MAGI2: variants seen among roughly 807,000 people sequenced by gnomAD.
MAGI2 encodes the protein membrane associated guanylate kinase, WW and PDZ domain containing 2, also known as membrane-associated guanylate kinase, WW and PDZ domain-containing protein 2.
MAGI2 carries 35 observed loss-of-function variants against 133.3 expected under a neutral mutation model. The observed-to-expected ratio is 0.26, with a 90% CI of 0.20 to 0.35. The LOEUF is 0.35. Among genes scored for constraint, MAGI2 ranks in the 10% least tolerant of loss-of-function variants. The pLI is 1.00. For missense variants in MAGI2, 1,636 were observed against 1,863.4 expected (o/e 0.88, Z 2.25); for synonymous variants, 729 against 710.6 (o/e 1.03, Z -0.41).
At chr7:79,292,188 A>T (rs1163445698) in intron 1 of MAGI2, among the ~76,000 whole-genome samples, 3 of 152,206 alleles carry the variant, frequency 2.0e-5, no homozygotes, top group African/African-American at 7.2e-5. Flanking sequence ...CAATTTTGTC[A>T]AAAACGAATT....
chr7:78,342,762 G>C (rs919075355), intron 9 of MAGI2, among the ~76,000 whole-genome samples: 12 of 152,146 alleles, frequency 7.9e-5, no homozygotes, highest in Non-Finnish European at 1.6e-4. Context: ...TGAACAATGA[G>C]AACACATGGA....
At chr7:78,789,281 T>A (rs909096036) in intron 2 of MAGI2, among the ~76,000 whole-genome samples, 1 of 152,206 alleles carries the variant, frequency 6.6e-6, no homozygotes, top group Non-Finnish European at 1.5e-5. Context: ...TATATTTGAT[T>A]AATCCTTTGC....
intron 17 of MAGI2, among the ~76,000 whole-genome samples, chr7:78,133,789 C>G (rs778665374): frequency 3.9e-5 from 6 of 152,198 alleles, no homozygotes; most frequent in South Asian, 4.1e-4. Context: ...ATAGCTTATA[C>G]ATGTTGGTGT....
At chr7:78,923,785 A>G (rs1243160762) in intron 2 of MAGI2, among the ~76,000 whole-genome samples, 1 of 152,018 alleles carries the variant, frequency 6.6e-6, no homozygotes, top group Non-Finnish European at 1.5e-5. Context: ...TACCTTGGGC[A>G]GTATGGCCAT....
At chr7:79,162,176 C>T (rs1037528601) in intron 1 of MAGI2, among the ~76,000 whole-genome samples, 17 of 151,972 alleles carry the variant, frequency 1.1e-4, no homozygotes, top group African/African-American at 3.9e-4. Flanking sequence ...CTACAATAAT[C>T]CTCTAGAGAG....
At chr7:78,693,002 A>G (rs897106079) in intron 2 of MAGI2, among the ~76,000 whole-genome samples, 7 of 152,206 alleles carry the variant, frequency 4.6e-5, no homozygotes, top group African/African-American at 1.7e-4. Flanking sequence ...GCCGCATCAG[A>G]GATCAGTATC....
intron 2 of MAGI2, among the ~76,000 whole-genome samples, chr7:78,687,034 T>C (rs796254803): frequency 1.8e-4 from 27 of 152,286 alleles, no homozygotes; most frequent in African/African-American, 6.5e-4. Context: ...GTCCAGCGCA[T>C]TGCATTAGAG....
At chr7:78,274,165 T>A (rs529431634) in intron 9 of MAGI2, among the ~76,000 whole-genome samples, 9 of 152,350 alleles carry the variant, frequency 5.9e-5, no homozygotes, top group African/African-American at 1.7e-4. Flanking sequence ...TCCTTTCTCT[T>A]TGTTAGTTTT....
At chr7:79,131,169 C>G (rs1820907192) in intron 1 of MAGI2, among the ~76,000 whole-genome samples, 1 of 152,102 alleles carries the variant, frequency 6.6e-6, no homozygotes, top group Non-Finnish European at 1.5e-5. Context: ...GAGGATCTCC[C>G]AAAAGCAGGG....
chr7:78,841,191 A>G (rs1388380181), intron 2 of MAGI2, among the ~76,000 whole-genome samples: 1 of 152,056 alleles, frequency 6.6e-6, no homozygotes, highest in Non-Finnish European at 1.5e-5. Flanking sequence ...CATACACTGA[A>G]GTACTATAGC....
intron 3 of MAGI2, among the ~76,000 whole-genome samples, chr7:78,623,138 A>G (rs1326470596): frequency 1.3e-5 from 2 of 152,120 alleles, no homozygotes; most frequent in African/African-American, 4.8e-5. Context: ...TCATGAGAAC[A>G]ATGGAAATTT....
chr7:78,785,223 A>T (rs1212269458), intron 2 of MAGI2, among the ~76,000 whole-genome samples: 1 of 152,234 alleles, frequency 6.6e-6, no homozygotes, highest in African/African-American at 2.4e-5. Context: ...TGGGAGAAAA[A>T]TCTACATCCA....
chr7:78,513,819 T>G (rs1795808065), intron 4 of MAGI2, among the ~76,000 whole-genome samples: 3 of 152,100 alleles, frequency 2.0e-5, no homozygotes, highest in African/African-American at 7.2e-5. Flanking sequence ...CCGGGTGCGG[T>G]GGCTCACGTC....
At chr7:79,269,371 T>TATGGG (rs1295982935) in intron 1 of MAGI2, among the ~76,000 whole-genome samples, 2 of 152,148 alleles carry the variant, frequency 1.3e-5, no homozygotes, top group African/African-American at 4.8e-5. Flanking sequence ...TTTGATGAAA[T>TATGGG]ATGGGTTGCT....
chr7:79,319,674 G>T (rs1484972359), intron 1 of MAGI2, among the ~76,000 whole-genome samples: 1 of 152,124 alleles, frequency 6.6e-6, no homozygotes, highest in Non-Finnish European at 1.5e-5. Flanking sequence ...TAGGAGGCCT[G>T]TACAGCCTAC....
chr7:78,728,907 C>G (rs1468483011), intron 2 of MAGI2, among the ~76,000 whole-genome samples: 1 of 152,110 alleles, frequency 6.6e-6, no homozygotes, highest in East Asian at 1.9e-4. Flanking sequence ...AATGATTCAT[C>G]TTACTCTTCC....
intron 1 of MAGI2, among the ~76,000 whole-genome samples, chr7:79,246,432 CA>C (rs1563041235): frequency 1.3e-5 from 2 of 151,946 alleles, no homozygotes; most frequent in Non-Finnish European, 2.9e-5. Context: ...AGAATCTTAT[CA>C]AAAAGATATA....
chr7:78,235,894 G>C (rs984873066), intron 10 of MAGI2, among the ~76,000 whole-genome samples: 34 of 151,980 alleles, frequency 2.2e-4, no homozygotes, highest in Admixed American at 2.2e-3. Context: ...ATTTAACAAA[G>C]GGTAGTTGGT....
chr7:78,711,451 T>G (rs578081137), intron 2 of MAGI2, among the ~76,000 whole-genome samples: 1 of 151,996 alleles, frequency 6.6e-6, no homozygotes, highest in South Asian at 2.1e-4. Context: ...TTAGATCATC[T>G]TTATAGTCTG....
Sources: allele counts gnomAD v4.1 joint callset (sites outside exome capture counted in the v4.1 genomes callset), GRCh38; gene constraint gnomAD v4.1.1; transcripts MANE v1.5; gene names NCBI Gene and HGNC (gene_info 2026-07-23, HGNC 2026-07-21).